LRRC4C: variants seen among roughly 807,000 people sequenced by gnomAD.
LRRC4C encodes leucine-rich repeat-containing protein 4C.
A neutral mutation model predicts 33.6 loss-of-function variants in LRRC4C; 5 were observed. The observed-to-expected ratio is 0.15, with a 90% CI of 0.08 to 0.31. The LOEUF (loss-of-function observed/expected upper bound fraction) is 0.31, where lower values mean the gene tolerates loss of function less well. Ranked by LOEUF, LRRC4C falls within the 10% of genes least tolerant of loss-of-function variation. The probability of loss-of-function intolerance (pLI) is 1.00; values close to 1 mark genes in which losing one functional copy is unlikely to be tolerated. For missense variants in LRRC4C, 560 were observed against 796.7 expected (o/e 0.70, Z 3.58); for synonymous variants, 329 against 302.0 (o/e 1.09, Z -0.93).
chr11:40,793,230 T>A (rs1453636443), intron 2 of LRRC4C, among the ~76,000 whole-genome samples: 1 of 152,118 alleles, frequency 6.6e-6, no homozygotes, highest in East Asian at 1.9e-4. Flanking sequence ...CTCAAAAATA[T>A]TAAGAAAATA....
chr11:41,149,987 C>T (rs1020244408), intron 1 of LRRC4C, among the ~76,000 whole-genome samples: 2 of 152,080 alleles, frequency 1.3e-5, no homozygotes, highest in Admixed American at 6.6e-5. Context: ...CATTTATCTG[C>T]GTAGTTCTCA....
At chr11:40,247,937 T>C (rs761763624) in intron 4 of LRRC4C, among the ~76,000 whole-genome samples, 3 of 152,174 alleles carry the variant, frequency 2.0e-5, no homozygotes, top group Non-Finnish European at 2.9e-5. Context: ...ATGTCTCTTC[T>C]CTAAGGAGGT....
At chr11:41,163,100 T>A (rs1944545511) in intron 1 of LRRC4C, among the ~76,000 whole-genome samples, 1 of 152,004 alleles carries the variant, frequency 6.6e-6, no homozygotes, top group South Asian at 2.1e-4. Context: ...TGCATCTTCC[T>A]CATTTTCTCT....
chr11:40,734,619 C>A (rs939623857), intron 2 of LRRC4C, among the ~76,000 whole-genome samples: 3 of 152,232 alleles, frequency 2.0e-5, no homozygotes, highest in African/African-American at 7.2e-5. Flanking sequence ...CCGTAAGTCA[C>A]CTCATGACAG....
chr11:40,375,312 TAA>T (rs1441097457), intron 3 of LRRC4C, among the ~76,000 whole-genome samples: 1 of 152,086 alleles, frequency 6.6e-6, no homozygotes, highest in East Asian at 1.9e-4. Flanking sequence ...TCCAAAAAGG[TAA>T]AGTCTTTGGT....
At chr11:41,194,748 C>G (rs1453128225) in intron 1 of LRRC4C, among the ~76,000 whole-genome samples, 3 of 152,100 alleles carry the variant, frequency 2.0e-5, no homozygotes, top group Non-Finnish European at 4.4e-5. Flanking sequence ...GACCATGAAG[C>G]AAAGGGCCCT....
At chr11:40,256,683 TTTATC>T (rs1422290776) in intron 4 of LRRC4C, among the ~76,000 whole-genome samples, 1 of 152,168 alleles carries the variant, frequency 6.6e-6, no homozygotes, top group African/African-American at 2.4e-5. Flanking sequence ...ACAATACCCC[TTTATC>T]TTATCTTCTC....
At chr11:40,401,260 T>C (rs1949748117) in intron 3 of LRRC4C, among the ~76,000 whole-genome samples, 1 of 151,874 alleles carries the variant, frequency 6.6e-6, no homozygotes, top group Non-Finnish European at 1.5e-5. Context: ...TCTCTTTCCC[T>C]CTCTTGCAAA....
chr11:40,973,049 T>C (rs914927145), intron 1 of LRRC4C, among the ~76,000 whole-genome samples: 6 of 152,152 alleles, frequency 3.9e-5, no homozygotes, highest in African/African-American at 1.4e-4. Context: ...TCCAGTCATG[T>C]GAGACATTCC....
intron 1 of LRRC4C, among the ~76,000 whole-genome samples, chr11:41,437,438 C>T (rs1344353546): frequency 6.6e-6 from 1 of 151,830 alleles, no homozygotes; most frequent in East Asian, 1.9e-4. Context: ...CACACACACA[C>T]ACACACACCA....
intron 2 of LRRC4C, among the ~76,000 whole-genome samples, chr11:40,696,196 C>T (rs1033849146): frequency 2.7e-5 from 4 of 147,350 alleles, no homozygotes; most frequent in African/African-American, 1.0e-4. Flanking sequence ...GCTACAGGCA[C>T]ATGAAGTATT....
intron 2 of LRRC4C, among the ~76,000 whole-genome samples, chr11:40,764,686 G>A (rs10837498): frequency 0.36 from 54,202 of 151,982 alleles, 10,154 homozygotes; most frequent in Middle Eastern, 0.44. Flanking sequence ...AGTGGTGGTG[G>A]CCACAGGGGT....
intron 1 of LRRC4C, among the ~76,000 whole-genome samples, chr11:41,073,142 T>A (rs1938837127): frequency 6.6e-6 from 1 of 152,164 alleles, no homozygotes; most frequent in Admixed American, 6.5e-5. Context: ...TGTAAAGGAA[T>A]ACCTGAGGCT....
chr11:40,441,385 A>T (rs1951386334), intron 3 of LRRC4C, among the ~76,000 whole-genome samples: 1 of 152,212 alleles, frequency 6.6e-6, no homozygotes, highest in African/African-American at 2.4e-5. Context: ...CAAAGATAAA[A>T]AAACAACAGT....
At chr11:40,540,848 C>T (rs1956679495) in intron 3 of LRRC4C, among the ~76,000 whole-genome samples, 1 of 152,072 alleles carries the variant, frequency 6.6e-6, no homozygotes, top group Non-Finnish European at 1.5e-5. Flanking sequence ...CTATAAATGG[C>T]TATATGTGCC....
chr11:40,701,793 T>A (rs2136492277), intron 2 of LRRC4C, among the ~76,000 whole-genome samples: 1 of 151,930 alleles, frequency 6.6e-6, no homozygotes, highest in Non-Finnish European at 1.5e-5. Flanking sequence ...TTTAATGATT[T>A]GTTATTTAGA....
chr11:40,875,458 C>T (rs1002997280), intron 2 of LRRC4C, among the ~76,000 whole-genome samples: 1 of 152,164 alleles, frequency 6.6e-6, no homozygotes, highest in Non-Finnish European at 1.5e-5. Flanking sequence ...GCACTGATTT[C>T]CCTCTAGGAT....
At chr11:40,215,588 G>T (rs1288665010) in intron 5 of LRRC4C, among the ~76,000 whole-genome samples, 1 of 152,168 alleles carries the variant, frequency 6.6e-6, no homozygotes, top group Admixed American at 6.6e-5. Context: ...AGCCCTTGGT[G>T]TTGGACAACT....
chr11:40,286,879 G>A (rs1462582350), intron 4 of LRRC4C, among the ~76,000 whole-genome samples: 2 of 152,110 alleles, frequency 1.3e-5, no homozygotes, highest in South Asian at 2.1e-4. Flanking sequence ...TACAAACTGA[G>A]CATTTCCTTC....
Sources: gnomAD v4.1 joint callset for allele counts (sites outside exome capture counted in the v4.1 genomes callset) on GRCh38, gnomAD v4.1.1 for gene constraint, MANE v1.5 for transcripts, NCBI Gene and HGNC (gene_info 2026-07-23, HGNC 2026-07-21) for gene names.